Variants in FBN2 observed in about 807,000 individuals in gnomAD.
FBN2 encodes fibrillin-2.
FBN2 carries 105 observed loss-of-function variants against 355.6 expected under a neutral mutation model. That is an observed-to-expected ratio of 0.30 (90% CI 0.25 to 0.35). The LOEUF (loss-of-function observed/expected upper bound fraction) is 0.35. Ranked by LOEUF, FBN2 falls within the 10% of genes least tolerant of loss-of-function variation. The pLI is 1.00. For synonymous variants in FBN2, 1,350 were observed against 1,301.2 expected, an observed-to-expected ratio of 1.04 and a Z score of -0.81; for missense variants, 3,280 against 3,758.7, an observed-to-expected ratio of 0.87 and a Z score of 3.33.
chr5:128,508,816 G>C (rs953302688), intron 5 of FBN2, among the ~76,000 whole-genome samples: 3 of 151,922 alleles, frequency 2.0e-5, no homozygotes, highest in Non-Finnish European at 2.9e-5. Flanking sequence ...TTGGGAAAAA[G>C]CTTTATTTAT....
intron 5 of FBN2, among the ~76,000 whole-genome samples, chr5:128,489,941 A>G (rs944796500): frequency 4.6e-5 from 7 of 152,194 alleles, no homozygotes; most frequent in African/African-American, 1.4e-4. Flanking sequence ...CAAAGACCAC[A>G]TATGTAGGAA....
chr5:128,360,591 T>C (rs772525744), intron 19 of FBN2, among the ~76,000 whole-genome samples: 5 of 151,950 alleles, frequency 3.3e-5, no homozygotes, highest in South Asian at 4.1e-4. Context: ...AATTACTGTT[T>C]TTTAGTGGCC....
intron 6 of FBN2, among the ~76,000 whole-genome samples, chr5:128,452,973 C>T (rs536660861): frequency 2.6e-5 from 4 of 152,174 alleles, no homozygotes; most frequent in African/African-American, 4.8e-5. Flanking sequence ...GATATTCACA[C>T]ATAATATTTT....
intron 6 of FBN2, among the ~76,000 whole-genome samples, chr5:128,456,949 A>G (rs1754411723): frequency 6.6e-6 from 1 of 152,246 alleles, no homozygotes; most frequent in African/African-American, 2.4e-5. Context: ...ACGAAGGATC[A>G]GATGGATGAA....
intron 20 of FBN2, 93 bp downstream of exon 20, chr5:128,357,183 G>T: frequency 6.6e-7 from 1 of 1,508,028 alleles, no homozygotes; most frequent in Non-Finnish European, 9.2e-7. Flanking sequence ...TTGCTTTTTG[G>T]AATCATATTC....
chr5:128,439,640 G>A (rs1753864938), intron 7 of FBN2, among the ~76,000 whole-genome samples: 1 of 151,804 alleles, frequency 6.6e-6, no homozygotes, highest in Non-Finnish European at 1.5e-5. Flanking sequence ...GTCTTTCTGT[G>A]TGTTATGAGT....
chr5:128,443,360 A>C (rs1170002216), intron 7 of FBN2, among the ~76,000 whole-genome samples: 4 of 152,190 alleles, frequency 2.6e-5, no homozygotes, highest in Non-Finnish European at 5.9e-5. Context: ...TTCCATTTGG[A>C]CCTTCAGCCC....
intron 44 of FBN2, 46 bp from the exon 45 acceptor site, chr5:128,305,128 A>T (rs1561759917): frequency 6.9e-7 from 1 of 1,456,936 alleles, no homozygotes; most frequent in Non-Finnish European, 9.5e-7. Flanking sequence ...ATTTTTATTA[A>T]GATTTCTTCA....
At chr5:128,293,352 C>T (rs1749386966) in intron 48 of FBN2, among the ~76,000 whole-genome samples, 2 of 152,010 alleles carry the variant, frequency 1.3e-5, no homozygotes, top group South Asian at 2.1e-4. Flanking sequence ...ATTAGCCAGG[C>T]GTGGTGGTGG....
intron 7 of FBN2, among the ~76,000 whole-genome samples, chr5:128,420,114 T>TA (rs1316700669): frequency 1.3e-5 from 2 of 152,192 alleles, no homozygotes; most frequent in Non-Finnish European, 2.9e-5. Context: ...TGGTATTTTT[T>TA]AAAAAATGTA....
intron 51 of FBN2, 126 bp downstream of exon 51, chr5:128,289,756 A>T (rs1223426685): frequency 4.5e-6 from 3 of 661,364 alleles, no homozygotes; most frequent in Non-Finnish European, 8.2e-6. Flanking sequence ...AATAAGGGTT[A>T]TATACATCCA....
chr5:128,337,253 G>T (rs962386222), intron 27 of FBN2, among the ~76,000 whole-genome samples: 1 of 151,968 alleles, frequency 6.6e-6, no homozygotes, highest in Non-Finnish European at 1.5e-5. Context: ...AATACATAAG[G>T]CTTATAAATA....
chr5:128,511,040 C>T (rs933769256), intron 5 of FBN2, among the ~76,000 whole-genome samples: 2 of 152,134 alleles, frequency 1.3e-5, no homozygotes, highest in African/African-American at 4.8e-5. Context: ...ATTAATTCCT[C>T]TAAAGTATTT....
intron 48 of FBN2, among the ~76,000 whole-genome samples, chr5:128,296,411 G>T (rs1488328831): frequency 6.6e-6 from 1 of 151,902 alleles, no homozygotes; most frequent in Non-Finnish European, 1.5e-5. Context: ...CAGAAGGAAT[G>T]GTACCAGTTC....
chr5:128,349,032 T>A (rs1010143388), intron 23 of FBN2, among the ~76,000 whole-genome samples: 2 of 152,184 alleles, frequency 1.3e-5, no homozygotes, highest in African/African-American at 4.8e-5. Flanking sequence ...AGTCTCCAAC[T>A]TTCCTGCTGT....
At chr5:128,420,567 T>C (rs1297550309) in intron 7 of FBN2, among the ~76,000 whole-genome samples, 6 of 152,210 alleles carry the variant, frequency 3.9e-5, no homozygotes, top group African/African-American at 1.4e-4. Flanking sequence ...GTATTTTTTA[T>C]AGAAAAGGGT....
rs754314268 is a variant in FBN2 at position 128,537,330 on chromosome 5, G to C, written c.254+20C>G. The C allele has an allele frequency of 4.4e-6, 7 of 1,608,854 alleles. No individual in the cohort carries two copies. The Admixed American group carries it at 5.0e-5, about 11-fold the overall frequency. ...TCCCCCAAGCCGGAGCCCTAGGTGC[G>C]GAGCCGCTTGCCCACTTACCCTCGG... On this transcript the variant is annotated intron_variant, in intron 1 of 64. Transcript: ENST00000262464.
intron 9 of FBN2, among the ~76,000 whole-genome samples, chr5:128,394,252 T>C (rs1001973308): frequency 6.6e-6 from 1 of 152,192 alleles, no homozygotes; most frequent in Admixed American, 6.5e-5. Flanking sequence ...TTGAATATAT[T>C]AATATATCTT....
chr5:128,366,652 T>C (rs1751776503), intron 16 of FBN2, among the ~76,000 whole-genome samples: 1 of 152,082 alleles, frequency 6.6e-6, no homozygotes, highest in African/African-American at 2.4e-5. Flanking sequence ...TCCTGAATAT[T>C]ATTAATACAT....
Sources: allele counts gnomAD v4.1 joint callset (sites outside exome capture counted in the v4.1 genomes callset), GRCh38; gene constraint gnomAD v4.1.1; transcripts MANE v1.5; gene names NCBI Gene and HGNC (gene_info 2026-07-23, HGNC 2026-07-21).